Variants in MYO10 observed in about 807,000 individuals in gnomAD.
MYO10 encodes the protein myosin X.
MYO10 carries 133 observed loss-of-function variants against 257.3 expected under a neutral mutation model. The ratio of observed to expected loss-of-function variants is 0.52; its 90% CI spans 0.45 to 0.60. The LOEUF is 0.60. MYO10 is among the 20% of genes least tolerant of loss of function. MYO10 has a pLI of 0.00. For missense variants in MYO10, 2,399 were observed against 2,635.7 expected, an observed-to-expected ratio of 0.91 and a Z score of 1.97; for synonymous variants, 1,104 against 1,028.6, an observed-to-expected ratio of 1.07 and a Z score of -1.40.
chr5:16,685,702 G>GAACCCCC, intron 29 of MYO10, 36 bp downstream of exon 29: 5 of 807,790 alleles, frequency 6.2e-6, no homozygotes, highest in East Asian at 4.0e-5. Flanking sequence ...CCTGCCCCTA[G>GAACCCCC]ACGCCCCACC....
At position 16,704,634 on chromosome 5, in the gene MYO10, C is replaced by T; in HGVS notation, c.2221G>A (p.Glu741Lys). 1 of 1,613,962 alleles carries T rather than the reference C, an allele frequency of 6.2e-7. No homozygotes were observed. The highest frequency in any genetic ancestry group is 8.5e-7 in the Non-Finnish European group (1 of 1,179,890). The change falls in exon 22 of 41, where the codon GAA (glutamate) becomes AAA (lysine). Residue 741 changes from glutamate (E) to lysine (K), a missense_variant. This residue lies in a region of MYO10 where 1,820 missense variants were observed against 1,939.4 expected (regional missense o/e 0.94). Coordinates refer to ENST00000513610, the MANE Select transcript of MYO10 (RefSeq NM_012334.3). Reference protein sequence around the residue: ...EQKLEKRREEEVSHAAMVIRA... With the variant: ...EQKLEKRREEKVSHAAMVIRA... The stretch of plus-strand genomic sequence containing the variant: ...ATCACCATGGCCGCGTGGCTCACTT[C>T]CTCTTCCCTCCGCTTCTCCAGTTTC...
intron 2 of MYO10, among the ~76,000 whole-genome samples, chr5:16,851,580 T>C (rs1000663800): frequency 6.8e-4 from 103 of 152,168 alleles, no homozygotes; most frequent in Non-Finnish European, 6.5e-4. Context: ...ATCTCTTTAG[T>C]GCCCAGGTCA....
chr5:16,763,585 CAT>C (rs1290295496), intron 13 of MYO10, 38 bp from the exon 14 acceptor site: 2 of 1,589,612 alleles, frequency 1.3e-6, no homozygotes, highest in Non-Finnish European at 1.7e-6. Context: ...TAAATGAAAA[CAT>C]AGCTTCAAAA....
chr5:16,745,465 C>T (rs942989051), intron 19 of MYO10, among the ~76,000 whole-genome samples: 3 of 152,236 alleles, frequency 2.0e-5, no homozygotes, highest in East Asian at 1.9e-4. Flanking sequence ...GCAGGAGAAT[C>T]GCTTGAGGCC....
chr5:16,892,080 T>G (rs1452203106), intron 1 of MYO10, among the ~76,000 whole-genome samples: 1 of 152,140 alleles, frequency 6.6e-6, no homozygotes, highest in Non-Finnish European at 1.5e-5. Context: ...AGGGCCAGAC[T>G]TATTGCTCCG....
intron 12 of MYO10, 114 bp from the exon 13 acceptor site, chr5:16,763,869 G>T: frequency 1.4e-6 from 1 of 733,490 alleles, no homozygotes; most frequent in Non-Finnish European, 2.3e-6. Flanking sequence ...CTGTTGTCTG[G>T]CACAGTGGCT....
intron 40 of MYO10, 38 bp from the exon 41 acceptor site, chr5:16,666,831 G>A (rs1736194606): frequency 6.6e-7 from 1 of 1,516,366 alleles, no homozygotes; most frequent in African/African-American, 1.4e-5. Context: ...AGCGTCACAA[G>A]TCTCCCCCAG....
chr5:16,742,273 G>A lies in MYO10; in HGVS notation c.1929+12555C>T, dbSNP rs1453362491. The A allele has an allele frequency of 8.2e-6, 8 of 981,154 alleles. 1 individual carries two copies. The allele number at this position is 981,154 out of a possible 1,614,324, so 60.8% of individuals were successfully genotyped here. A position where few individuals can be genotyped will look rare whatever the true frequency, so the allele number is the denominator to read the frequency against. On this transcript the variant is annotated intron_variant, in intron 19 of 40. Coordinates refer to ENST00000513610, the MANE Select transcript of MYO10 (RefSeq NM_012334.3). The stretch of plus-strand genomic sequence containing the variant: ...TGCAATTTATCCTGATCTCTACAGA[G>A]CTCTGATGAATAGTTTCCATGACAA...
At chr5:16,825,747 G>T (rs1026068459) in intron 2 of MYO10, among the ~76,000 whole-genome samples, 1 of 152,214 alleles carries the variant, frequency 6.6e-6, no homozygotes, top group Non-Finnish European at 1.5e-5. Context: ...TATTCAGGAG[G>T]CTGAGGCATG....
chr5:16,789,324 C>A (rs1323390619), intron 4 of MYO10, among the ~76,000 whole-genome samples: 1 of 152,224 alleles, frequency 6.6e-6, no homozygotes, highest in Non-Finnish European at 1.5e-5. Context: ...TATAACACTA[C>A]TTAGAAATCA....
In MYO10 at chr5:16,701,262, G is replaced by A. The variant is rs762404471; in HGVS notation, c.3133C>T (p.Pro1045Ser). 1.2e-6 allele frequency: 2 copies of A among 1,613,632 alleles called. No individual in the cohort carries two copies. Among genetic ancestry groups the A allele is most frequent in the East Asian group, 2.2e-5 (1 of 44,858 alleles). The change falls in exon 25 of 41, where the codon CCC (proline) becomes TCC (serine). Residue 1045 changes from proline to serine, a missense_variant. Around this residue, in one of 3 missense-constraint regions of MYO10, gnomAD observed 1,820 missense variants for 1,939.4 expected, o/e 0.94. Transcript: ENST00000513610. This position sits in a 1 kb window ranked among gnomAD's most constrained non-coding sequence, Gnocchi z 8.1. ...AGCAGCACCGTGCTGTCCGCACTGGGGCTGGTGGGCACCACCGTGTCGTTC... is the reference window on the plus strand; with the variant it reads ...AGCAGCACCGTGCTGTCCGCACTGGAGCTGGTGGGCACCACCGTGTCGTTC... ...YMNDTVVPTS[P>S]SADSTVLLAP...
In MYO10 at chr5:16,675,018, C is replaced by G. The variant is rs749735857; in HGVS notation, c.4799G>C (p.Arg1600Pro). Residue 1600 changes from arginine to proline, a missense_variant, in exon 35 of 41, where the codon CGA becomes CCA. This residue lies in a region of MYO10 where 1,820 missense variants were observed against 1,939.4 expected (regional missense o/e 0.94). Coordinates refer to ENST00000513610, the MANE Select transcript of MYO10 (RefSeq NM_012334.3). ...GCAGTACAGCTCGTCCCGCAGAGGT[C>G]GCAGGTCATGCCCTGTCTGTAGGAT... Reference protein sequence around the residue: ...QGILQTGHDLRPLRDELYCQL... With the variant: ...QGILQTGHDLPPLRDELYCQL... 5 of 1,613,892 alleles carry G rather than the reference C, an allele frequency of 3.1e-6. No individual in the cohort carries two copies. The highest frequency in any genetic ancestry group is 4.2e-6 in the Non-Finnish European group (5 of 1,179,884).
chr5:16,796,479 A>AAAGG, intron 3 of MYO10, among the ~76,000 whole-genome samples: 1 of 116,164 alleles, frequency 8.6e-6, no homozygotes, highest in Admixed American at 8.2e-5. Flanking sequence ...AAAAGAAAAG[A>AAAGG]AAAGAAAGAA....
chr5:16,926,233 T>C lies in MYO10; in HGVS notation c.21+9555A>G, dbSNP rs533392789. Among the ~76,000 whole-genome samples the C allele has an allele frequency of 4.6e-5, 7 of 152,350 alleles. No individual in the cohort carries two copies. In the South Asian group the frequency reaches 8.3e-4, roughly 18 times the overall value. On this transcript the variant is annotated intron_variant, in intron 1 of 40. Coordinates refer to ENST00000513610, the MANE Select transcript of MYO10 (RefSeq NM_012334.3). The stretch of plus-strand genomic sequence containing the variant: ...ATTTTGGATTTTCAGATTACGGATA[T>C]TCAACCTGGATAATGAAATTAAAAT...
At chr5:16,924,433 G>A (rs1374246753) in intron 1 of MYO10, among the ~76,000 whole-genome samples, 4 of 152,086 alleles carry the variant, frequency 2.6e-5, no homozygotes, top group Non-Finnish European at 5.9e-5. Context: ...TCTCAGCTGC[G>A]CAGCTGCCAG....
intron 1 of MYO10, among the ~76,000 whole-genome samples, chr5:16,915,018 G>C (rs1745775300): frequency 6.6e-6 from 1 of 152,208 alleles, no homozygotes. Context: ...AAAAGGCTCT[G>C]GATTCATGAA....
intron 19 of MYO10, among the ~76,000 whole-genome samples, chr5:16,749,664 C>T (rs946631895): frequency 6.6e-6 from 1 of 152,136 alleles, no homozygotes; most frequent in African/African-American, 2.4e-5. Flanking sequence ...GATGATGCTG[C>T]TGGAACCCAT....
At chr5:16,929,539 G>A (rs1746239495) in intron 1 of MYO10, among the ~76,000 whole-genome samples, 1 of 152,152 alleles carries the variant, frequency 6.6e-6, no homozygotes, top group Non-Finnish European at 1.5e-5. Flanking sequence ...CTAGCTGTGT[G>A]ACACTGAGTC....
intron 19 of MYO10, among the ~76,000 whole-genome samples, chr5:16,725,013 C>G (rs1196584712): frequency 1.3e-5 from 2 of 150,060 alleles, no homozygotes; most frequent in Admixed American, 6.7e-5. Flanking sequence ...TTTTGCTTCT[C>G]TTACCTAACA....
Sources: gnomAD v4.1 joint callset for allele counts (sites outside exome capture counted in the v4.1 genomes callset) on GRCh38, gnomAD v4.1.1 for gene constraint, gnomAD v4.1.1 regional missense constraint, Gnocchi (gnomAD v3.1) non-coding constraint, MANE v1.5 for transcripts, NCBI Gene and HGNC (gene_info 2026-07-23, HGNC 2026-07-21) for gene names.